Variants in IFT74 observed in about 807,000 individuals in gnomAD.
The protein encoded by IFT74 is intraflagellar transport protein 74 homolog.
A neutral mutation model predicts 96.7 loss-of-function variants in IFT74; 92 were observed. That is an observed-to-expected ratio of 0.95 (90% confidence interval 0.80 to 1.13). The LOEUF (loss-of-function observed/expected upper bound fraction) is 1.13, where lower values mean the gene tolerates loss of function less well. Ranked by LOEUF, IFT74 falls within the 50% of genes most tolerant of loss-of-function variation. The probability of loss-of-function intolerance (pLI) is 0.00; values close to 1 mark genes in which losing one functional copy is unlikely to be tolerated. For synonymous variants in IFT74, 223 were observed against 213.2 expected, an observed-to-expected ratio of 1.05 and a Z score of -0.40; for missense variants, 811 against 698.2, an observed-to-expected ratio of 1.16 and a Z score of -1.82.
At chr9:27,011,799 G>A (rs1272591202) in intron 9 of IFT74, 107 bp from the exon 10 acceptor site, 3 of 552,544 alleles carry the variant, frequency 5.4e-6, no homozygotes, top group African/African-American at 3.9e-5. Context: ...ACTTTGAAAT[G>A]TTGAGAAACA....
At chr9:27,041,352 TG>T (rs1421681257) in intron 13 of IFT74, among the ~76,000 whole-genome samples, 1 of 152,214 alleles carries the variant, frequency 6.6e-6, no homozygotes, top group Non-Finnish European at 1.5e-5. Context: ...TTTTTGGTTT[TG>T]TACACCTAAT....
At chr9:27,012,639 C>A (rs893459304) in intron 10 of IFT74, among the ~76,000 whole-genome samples, 11 of 148,292 alleles carry the variant, frequency 7.4e-5, no homozygotes, top group African/African-American at 2.7e-4. Flanking sequence ...ATTTAAAACG[C>A]TTTATTTCAC....
At chr9:27,037,787 G>A (rs761047449) in intron 13 of IFT74, among the ~76,000 whole-genome samples, 1 of 152,166 alleles carries the variant, frequency 6.6e-6, no homozygotes, top group Non-Finnish European at 1.5e-5. Flanking sequence ...ACAATAGGAA[G>A]GCTTGGGTGA....
At chr9:27,006,413 C>T (rs1315598794) in intron 8 of IFT74, among the ~76,000 whole-genome samples, 1 of 152,116 alleles carries the variant, frequency 6.6e-6, no homozygotes, top group Non-Finnish European at 1.5e-5. Flanking sequence ...GCCCGGCCAA[C>T]TTAGCAAGAC....
Position 27,062,846 on chromosome 9 carries a change from C to T in IFT74, c.*110C>T. ...TACTTTTGGAGTTTACCTAAAATTT[C>T]TGAATGTTATAATTTTTGTGGCCTC... On this transcript the variant is annotated 3_prime_UTR_variant, in exon 20 of 20. Coordinates refer to ENST00000380062, the MANE Select transcript of IFT74 (RefSeq NM_025103.4). The T allele has an allele frequency of 3.0e-6, 2 of 658,148 alleles. No homozygotes were observed. The allele number at this position is 658,148 out of a possible 1,614,324, so 40.8% of individuals were successfully genotyped here.
chr9:27,021,470 T>C (rs1184307076), intron 12 of IFT74, among the ~76,000 whole-genome samples: 1 of 152,190 alleles, frequency 6.6e-6, no homozygotes, highest in African/African-American at 2.4e-5. Flanking sequence ...AGTGTTCCCT[T>C]TTCACCACAT....
At chr9:27,004,461 A>G (rs1273300579) in intron 8 of IFT74, among the ~76,000 whole-genome samples, 2 of 152,204 alleles carry the variant, frequency 1.3e-5, no homozygotes, top group Non-Finnish European at 2.9e-5. Context: ...GCCTTTTCAG[A>G]GGAGAAAGAT....
chr9:27,048,312 T>TA (rs776092837), intron 16 of IFT74, 38 bp downstream of exon 16: 1 of 1,360,348 alleles, frequency 7.4e-7, no homozygotes. Flanking sequence ...TCTTTTTTTT[T>TA]AAAATATATC....
intron 1 of IFT74, among the ~76,000 whole-genome samples, chr9:26,958,120 T>G (rs1000363999): frequency 7.2e-5 from 11 of 152,188 alleles, no homozygotes; most frequent in Admixed American, 3.3e-4. Flanking sequence ...ACGAGGAAAT[T>G]TAAAAGATAC....
intron 8 of IFT74, chr9:26,997,931 T>C: frequency 6.2e-7 from 1 of 1,614,038 alleles, no homozygotes; most frequent in African/African-American, 1.3e-5. Flanking sequence ...TTCTATTTTG[T>C]TTTGGCAGAG....
At chr9:27,004,341 T>C (rs749249822) in intron 8 of IFT74, among the ~76,000 whole-genome samples, 42 of 152,220 alleles carry the variant, frequency 2.8e-4, no homozygotes, top group Non-Finnish European at 4.9e-4. Flanking sequence ...CAGCTCAAGG[T>C]AGATTCTGTA....
At position 26,990,178 on chromosome 9, in the gene IFT74, A is replaced by G. The variant is rs369603574; in HGVS notation, c.570A>G (p.Ile190Met). Residue 190 changes from isoleucine to methionine, a missense_variant, in exon 8 of 20, where the codon ATA becomes ATG. Transcript: ENST00000380062. ...NDRETQSLDV[I>M]FTERQAKEKQ... is the part of the protein sequence containing the mutation. ...GAGAAACACAAAGTTTGGATGTCAT[A>G]TTTACTGAAAGACAAGCGTAAGTAT... The G allele has an allele frequency of 2.0e-6, 3 of 1,468,682 alleles. No individual in the cohort carries two copies. Among genetic ancestry groups the G allele is most frequent in the Non-Finnish European group, 1.8e-6 (2 of 1,106,204 alleles). The allele number at this position is 1,468,682 out of a possible 1,614,324, so 91.0% of individuals were successfully genotyped here.
intron 2 of IFT74, among the ~76,000 whole-genome samples, chr9:26,977,686 G>T (rs549625080): frequency 1.3e-4 from 20 of 151,922 alleles, no homozygotes; most frequent in African/African-American, 4.8e-4. Flanking sequence ...ATGGGGTTTT[G>T]CCATGTTGTC....
intron 12 of IFT74, among the ~76,000 whole-genome samples, chr9:27,020,955 A>G (rs1829571784): frequency 6.6e-6 from 1 of 152,078 alleles, no homozygotes; most frequent in Non-Finnish European, 1.5e-5. Flanking sequence ...CCCGGAGTCC[A>G]TTGTATCATT....
At chr9:26,947,215 C>T (rs972193378) in intron 1 of IFT74, 1 of 693,904 alleles carries the variant, frequency 1.4e-6, no homozygotes, top group Non-Finnish European at 2.3e-6. Flanking sequence ...AGGGGCGCGC[C>T]GAGCGGGCCG....
intron 13 of IFT74, among the ~76,000 whole-genome samples, chr9:27,034,166 A>T (rs1830253073): frequency 1.3e-5 from 2 of 152,216 alleles, no homozygotes; most frequent in South Asian, 2.1e-4. Context: ...AGATTCAAGT[A>T]TTTTCCCAAA....
intron 7 of IFT74, among the ~76,000 whole-genome samples, chr9:26,989,482 A>G (rs1827776486): frequency 6.6e-6 from 1 of 152,202 alleles, no homozygotes; most frequent in African/African-American, 2.4e-5. Flanking sequence ...TACAATTTAT[A>G]ATTTATATAG....
At chr9:27,027,017 A>G (rs1213298916) in intron 12 of IFT74, among the ~76,000 whole-genome samples, 1 of 152,174 alleles carries the variant, frequency 6.6e-6, no homozygotes, top group African/African-American at 2.4e-5. Context: ...ATTGAAAGAT[A>G]AATGAAGCAA....
At chr9:26,992,229 A>C (rs754363842) in intron 8 of IFT74, among the ~76,000 whole-genome samples, 4 of 152,230 alleles carry the variant, frequency 2.6e-5, no homozygotes, top group African/African-American at 4.8e-5. Flanking sequence ...AAAGTTAAAG[A>C]ATGTCATAGA....
Sources: gnomAD v4.1 joint callset for allele counts (sites outside exome capture counted in the v4.1 genomes callset) on GRCh38, gnomAD v4.1.1 for gene constraint, MANE v1.5 for transcripts, NCBI Gene and HGNC (gene_info 2026-07-23, HGNC 2026-07-21) for gene names.